SMC1B: variants seen among roughly 807,000 people sequenced by gnomAD.
SMC1B encodes the protein structural maintenance of chromosomes protein 1B.
SMC1B carries 60 observed loss-of-function variants against 157.9 expected under a neutral mutation model. The observed-to-expected ratio is 0.38, with a 90% CI of 0.31 to 0.47. SMC1B has a LOEUF of 0.47. SMC1B is among the 20% of genes least tolerant of loss of function. The pLI is 0.99. For missense variants in SMC1B, 1,165 were observed against 1,426.2 expected (o/e 0.82, Z 2.95); for synonymous variants, 445 against 483.0 (o/e 0.92, Z 1.03).
chr22:45,409,781 G>A (rs1218494039), intron 1 of SMC1B, among the ~76,000 whole-genome samples: 1 of 152,088 alleles, frequency 6.6e-6, no homozygotes, highest in African/African-American at 2.4e-5. Flanking sequence ...GATGTTGGGA[G>A]GGTTTCTAAC....
In SMC1B at chr22:45,386,950, G is replaced by C. The variant is rs767796969; in HGVS notation, c.1828C>G (p.Gln610Glu). The C allele has an allele frequency of 5.0e-6, 8 of 1,614,002 alleles. 1 individual carries two copies. The South Asian group carries it at 8.8e-5, about 18-fold the overall frequency. The change falls in exon 11 of 25, where the codon CAG (glutamine) becomes GAG (glutamate). Residue 610 changes from glutamine to glutamate, a missense_variant. By Grantham distance (29) the Gln-to-Glu change is conservative. Coordinates refer to ENST00000357450, the MANE Select transcript of SMC1B (RefSeq NM_148674.5). ...ACAAGACCATTTCCACACACAAACTGAATCACTTTCTTCAGCTGAGGAAAC... is the reference window on the plus strand; with the variant it reads ...ACAAGACCATTTCCACACACAAACTCAATCACTTTCTTCAGCTGAGGAAAC... Reference protein sequence around the residue: ...TQFPQLKKVIQFVCGNGLVCE... With the variant: ...TQFPQLKKVIEFVCGNGLVCE...
chr22:45,388,901 T>TGC (rs2087021674), intron 10 of SMC1B, among the ~76,000 whole-genome samples: 1 of 145,590 alleles, frequency 6.9e-6, no homozygotes, highest in Non-Finnish European at 1.5e-5. Flanking sequence ...GCAGGAGAAT[T>TGC]GCTTGAACCC....
chr22:45,396,403 T>G lies in SMC1B; in HGVS notation c.1197A>C (p.Glu399Asp), dbSNP rs201522220. The change falls in exon 7 of 25, where the codon GAA (glutamate) becomes GAC (aspartate). Residue 399 changes from glutamate to aspartate, a missense_variant. Transcript: ENST00000357450. Reference sequence around the variant, plus strand: ...CCAGTCTTTCTTCATCTGTCTTCTGTTCCCACTGCAGTTTTTCCAGTTGTT... The same window carrying G: ...CCAGTCTTTCTTCATCTGTCTTCTGGTCCCACTGCAGTTTTTCCAGTTGTT... Reference protein sequence around the residue: ...MTQQLEKLQWEQKTDEERLAF... With the variant: ...MTQQLEKLQWDQKTDEERLAF... 232 of 1,612,970 alleles carry G rather than the reference T, an allele frequency of 1.4e-4. No homozygotes were observed. The highest frequency in any genetic ancestry group is 1.9e-4 in the Non-Finnish European group (223 of 1,179,600).
chr22:45,344,733 G>T, intron 24 of SMC1B, 76 bp from the exon 25 acceptor site: 1 of 902,312 alleles, frequency 1.1e-6, no homozygotes, highest in Non-Finnish European at 1.8e-6. Context: ...CCATTAGTGA[G>T]TCTAGAATTG....
Position 45,345,479 on chromosome 22 carries a change from G to T in SMC1B, c.3586C>A (p.Leu1196Met). The T allele has an allele frequency of 1.2e-6, 2 of 1,613,048 alleles. No homozygotes were observed. Among genetic ancestry groups the T allele is most frequent in the Non-Finnish European group, 1.7e-6 (2 of 1,179,022 alleles). ...TTTACCTCAGGATAGATGCCGATCA[G>T]CGCGTCGGCTCTGGAATAGAACTCT... ...KEEFYSRADA[L>M]IGIYPEYDDC... Residue 1196 changes from leucine (L) to methionine (M), a missense_variant, in exon 24 of 25, where the codon CTG becomes ATG. Transcript: ENST00000357450.
chr22:45,374,092 T>TG (rs2086861064), intron 12 of SMC1B, among the ~76,000 whole-genome samples: 1 of 27,604 alleles, frequency 3.6e-5, no homozygotes, highest in Admixed American at 3.4e-4. Flanking sequence ...CAAAGACGGT[T>TG]TTTTTTTTTT....
chr22:45,358,874 C>G (rs2086694736), intron 18 of SMC1B, 79 bp from the exon 19 acceptor site: 16 of 846,570 alleles, frequency 1.9e-5, no homozygotes, highest in Non-Finnish European at 3.1e-5. Flanking sequence ...ACTCCAAAAA[C>G]AATTACAATA....
intron 11 of SMC1B, among the ~76,000 whole-genome samples, chr22:45,385,037 A>G (rs2086976619): frequency 6.6e-6 from 1 of 152,174 alleles, no homozygotes; most frequent in Non-Finnish European, 1.5e-5. Context: ...TTTATAATAT[A>G]TATGTTTTAG....
chr22:45,399,141 T>G lies in SMC1B; in HGVS notation c.1067A>C (p.Glu356Ala). The G allele has an allele frequency of 6.2e-7, 1 of 1,613,940 alleles. No individual in the cohort carries two copies. Among genetic ancestry groups the G allele is most frequent in the Non-Finnish European group, 8.5e-7 (1 of 1,179,988 alleles). The change falls in exon 6 of 25, where the codon GAA (glutamate) becomes GCA (alanine). Residue 356 changes from glutamate (E) to alanine (A), a missense_variant. Coordinates refer to ENST00000357450, the MANE Select transcript of SMC1B (RefSeq NM_148674.5). ...AWRSFEKQIE[E>A]EILHKKRDIE... ...GTCTCGCTTTTTATGTAAAATTTCT[T>G]CCTCAATCTGCTTTTCAAAACTTCT...
intron 2 of SMC1B, among the ~76,000 whole-genome samples, chr22:45,407,728 C>T (rs1175594842): frequency 6.6e-6 from 1 of 152,154 alleles, no homozygotes; most frequent in African/African-American, 2.4e-5. Context: ...GGATTACAGG[C>T]ATGAGCCCCA....
At chr22:45,401,912 C>T (rs1252896596) in intron 5 of SMC1B, among the ~76,000 whole-genome samples, 2 of 151,658 alleles carry the variant, frequency 1.3e-5, no homozygotes, top group African/African-American at 4.8e-5. Context: ...GAGATGGAGT[C>T]TCACGCTGTT....
intron 1 of SMC1B, among the ~76,000 whole-genome samples, chr22:45,413,255 C>G (rs1454799232): frequency 2.0e-5 from 3 of 150,756 alleles, no homozygotes; most frequent in African/African-American, 7.3e-5. Flanking sequence ...CTGAGGTGGA[C>G]GGCGAGGACC....
At chr22:45,384,463 C>T (rs2086970372) in intron 11 of SMC1B, among the ~76,000 whole-genome samples, 1 of 152,112 alleles carries the variant, frequency 6.6e-6, no homozygotes, top group African/African-American at 2.4e-5. Context: ...GGAGTGGTGG[C>T]TCATGCCTGT....
rs756090320 is a variant in SMC1B at position 45,359,785 on chromosome 22, ACAGT to A, written c.2862+16_2862+19del. 8 of 1,608,166 alleles carry A rather than the reference ACAGT, an allele frequency of 5.0e-6. No individual in the cohort carries two copies. In the East Asian group the frequency reaches 1.3e-4, roughly 27 times the overall value. On this transcript the variant is annotated intron_variant, in intron 18 of 24. Transcript: ENST00000357450. ...AGTTCCACACAACGGCACATATTTT[ACAGT>A]CATTTGCTAGAATACCTCCACTTCA...
intron 12 of SMC1B, among the ~76,000 whole-genome samples, chr22:45,375,383 C>T (rs2086874813): frequency 1.3e-5 from 2 of 152,224 alleles, no homozygotes; most frequent in South Asian, 2.1e-4. Context: ...ACCTTGGGCA[C>T]ATGCTGTCAG....
chr22:45,396,627 T>TC (rs999376185), intron 6 of SMC1B, 141 bp from the exon 7 acceptor site: 5 of 494,412 alleles, frequency 1.0e-5, no homozygotes, highest in African/African-American at 1.0e-4. Flanking sequence ...TCGACCACCT[T>TC]CCCCCGGTAA....
intron 21 of SMC1B, among the ~76,000 whole-genome samples, chr22:45,352,910 T>TA (rs1255121528): frequency 2.0e-5 from 3 of 152,198 alleles, no homozygotes; most frequent in Non-Finnish European, 1.5e-5. Flanking sequence ...CACTCACTGA[T>TA]ACGTTCATCA....
intron 17 of SMC1B, among the ~76,000 whole-genome samples, 198 bp downstream of exon 17, chr22:45,361,641 C>G (rs1189428893): frequency 6.6e-6 from 1 of 152,166 alleles, no homozygotes; most frequent in African/African-American, 2.4e-5. Context: ...AAACAAAACA[C>G]TATTTGCTCT....
Position 45,370,047 on chromosome 22 carries a change from A to G in SMC1B, c.2327T>C (p.Ile776Thr). The change falls in exon 15 of 25, where the codon ATC becomes ACC. Residue 776 changes from isoleucine to threonine, a missense_variant. Physicochemically the swap from Ile to Thr is moderately conservative, Grantham distance 89. Transcript: ENST00000357450. ...AATTTCTTCACAGAAGTGTTGGAAG[A>G]TATCGTCTTCTACCTTTTAAATTAT... The part of the protein sequence containing the change: ...QEKIDKVEDD[I>T]FQHFCEEIGV... 1 of 1,568,780 alleles carries G rather than the reference A, an allele frequency of 6.4e-7. No homozygotes were observed. Among genetic ancestry groups the G allele is most frequent in the Non-Finnish European group, 8.7e-7 (1 of 1,150,654 alleles).
Sources: allele counts gnomAD v4.1 joint callset (sites outside exome capture counted in the v4.1 genomes callset), GRCh38; gene constraint gnomAD v4.1.1; transcripts MANE v1.5; gene names NCBI Gene and HGNC (gene_info 2026-07-23, HGNC 2026-07-21).